DLGAP1: variants seen among roughly 807,000 people sequenced by gnomAD.
DLGAP1 encodes DLG associated protein 1.
Under a neutral mutation model 90.8 loss-of-function variants are expected in DLGAP1, and 11 were observed. That is an observed-to-expected ratio of 0.12 (90% CI 0.08 to 0.20). DLGAP1 has a LOEUF of 0.20. DLGAP1 is among the 10% of genes least tolerant of loss of function. The pLI is 1.00. For missense variants in DLGAP1, 1,050 were observed against 1,333.8 expected (o/e 0.79, Z 3.31); for synonymous variants, 558 against 540.7 (o/e 1.03, Z -0.44).
At chr18:3,854,935 T>A (rs2069545652) in intron 4 of DLGAP1, among the ~76,000 whole-genome samples, 1 of 152,168 alleles carries the variant, frequency 6.6e-6, no homozygotes, top group Non-Finnish European at 1.5e-5. Context: ...GAGGGATGCT[T>A]TTCTTGGGAT....
chr18:4,351,704 A>G (rs914346131), intron 1 of DLGAP1, among the ~76,000 whole-genome samples: 1 of 152,218 alleles, frequency 6.6e-6, no homozygotes, highest in South Asian at 2.1e-4. Context: ...TTATCAAAGT[A>G]TGAGTTTCAT....
intron 1 of DLGAP1, among the ~76,000 whole-genome samples, chr18:4,347,126 T>C (rs1266170394): frequency 1.3e-5 from 2 of 152,028 alleles, no homozygotes; most frequent in Non-Finnish European, 2.9e-5. Flanking sequence ...TTCCAGAGAA[T>C]CACGTGTACT....
At chr18:4,055,894 G>A (rs1337640963) in intron 2 of DLGAP1, among the ~76,000 whole-genome samples, 2 of 152,152 alleles carry the variant, frequency 1.3e-5, no homozygotes, top group African/African-American at 4.8e-5. Flanking sequence ...AAGGTGAGAT[G>A]TGCAGGTGGA....
intron 1 of DLGAP1, among the ~76,000 whole-genome samples, chr18:4,355,665 G>A (rs909881584): frequency 6.7e-6 from 1 of 149,436 alleles, no homozygotes; most frequent in African/African-American, 2.4e-5. Context: ...CCATTTCCTG[G>A]TTGTGATATT....
At chr18:4,266,797 GCTGT>G (rs1393861967) in intron 1 of DLGAP1, among the ~76,000 whole-genome samples, 2 of 152,160 alleles carry the variant, frequency 1.3e-5, no homozygotes, top group Non-Finnish European at 2.9e-5. Context: ...GGGCAAACAA[GCTGT>G]CTGTGATTTT....
At chr18:3,692,787 C>T (rs1241520207) in intron 7 of DLGAP1, among the ~76,000 whole-genome samples, 1 of 152,228 alleles carries the variant, frequency 6.6e-6, no homozygotes, top group African/African-American at 2.4e-5. Context: ...TCTCATTCCA[C>T]ATTAGGAAAT....
intron 8 of DLGAP1, among the ~76,000 whole-genome samples, chr18:3,571,815 T>A (rs2054809434): frequency 6.6e-6 from 1 of 152,178 alleles, no homozygotes; most frequent in South Asian, 2.1e-4. Context: ...CGTGAGCCAA[T>A]GTTCCCGGCC....
intron 7 of DLGAP1, among the ~76,000 whole-genome samples, chr18:3,612,299 G>A (rs1203211548): frequency 6.6e-6 from 1 of 152,230 alleles, no homozygotes; most frequent in Non-Finnish European, 1.5e-5. Context: ...TGTCTAAAAT[G>A]AGGATAAGAA....
At chr18:3,577,579 G>T (rs777875228) in intron 8 of DLGAP1, among the ~76,000 whole-genome samples, 1 of 152,306 alleles carries the variant, frequency 6.6e-6, no homozygotes, top group South Asian at 2.1e-4. Context: ...GAAGAAGCAC[G>T]ATCCTCAATG....
At chr18:3,942,498 TAGTA>T (rs2072789151) in intron 3 of DLGAP1, among the ~76,000 whole-genome samples, 1 of 152,230 alleles carries the variant, frequency 6.6e-6, no homozygotes, top group South Asian at 2.1e-4. Flanking sequence ...GTATTCAGAC[TAGTA>T]AGTAAGTTCT....
intron 2 of DLGAP1, among the ~76,000 whole-genome samples, chr18:4,071,685 A>C (rs1433337598): frequency 1.3e-5 from 2 of 152,224 alleles, no homozygotes; most frequent in African/African-American, 4.8e-5. Context: ...TACTGCAAGA[A>C]AAGTTTGTCT....
At chr18:4,441,263 C>T (rs1254115898) in intron 1 of DLGAP1, among the ~76,000 whole-genome samples, 1 of 152,088 alleles carries the variant, frequency 6.6e-6, no homozygotes, top group Non-Finnish European at 1.5e-5. Flanking sequence ...AGTGACAGAT[C>T]GTTTCTTGGA....
intron 10 of DLGAP1, among the ~76,000 whole-genome samples, chr18:3,509,123 T>C (rs1025289771): frequency 6.6e-5 from 10 of 151,982 alleles, no homozygotes; most frequent in Admixed American, 6.6e-4. Flanking sequence ...AAAGCAGTAC[T>C]AAACTAGAGG....
intron 2 of DLGAP1, among the ~76,000 whole-genome samples, chr18:4,123,817 C>A (rs1196044713): frequency 6.6e-6 from 1 of 152,144 alleles, no homozygotes; most frequent in Non-Finnish European, 1.5e-5. Context: ...TTTCTGGTAA[C>A]AATGTGTGGG....
At chr18:3,855,954 A>G (rs1320235924) in intron 4 of DLGAP1, among the ~76,000 whole-genome samples, 1 of 152,210 alleles carries the variant, frequency 6.6e-6, no homozygotes, top group African/African-American at 2.4e-5. Flanking sequence ...AAATTCAAAG[A>G]GAAGTGGATT....
At chr18:3,902,160 A>G (rs932011083) in intron 3 of DLGAP1, among the ~76,000 whole-genome samples, 2 of 152,158 alleles carry the variant, frequency 1.3e-5, no homozygotes, top group Non-Finnish European at 1.5e-5. Flanking sequence ...TTGATTGTGT[A>G]TTTTGAACAC....
At chr18:3,758,082 G>C (rs1461815741) in intron 5 of DLGAP1, among the ~76,000 whole-genome samples, 1 of 150,860 alleles carries the variant, frequency 6.6e-6, no homozygotes, top group African/African-American at 2.4e-5. Context: ...ACTCCAGCCT[G>C]GGTGACAGAG....
intron 1 of DLGAP1, among the ~76,000 whole-genome samples, chr18:4,298,407 T>G (rs1332224319): frequency 6.6e-6 from 1 of 152,126 alleles, no homozygotes; most frequent in African/African-American, 2.4e-5. Context: ...GGGGAATAGT[T>G]AAAGAAGCAT....
intron 1 of DLGAP1, among the ~76,000 whole-genome samples, chr18:4,268,685 A>G (rs1250136189): frequency 1.3e-5 from 2 of 152,206 alleles, no homozygotes; most frequent in Non-Finnish European, 2.9e-5. Flanking sequence ...TACATATTAA[A>G]TATAGAAACT....
Sources: gnomAD v4.1 joint callset for allele counts (sites outside exome capture counted in the v4.1 genomes callset) on GRCh38, gnomAD v4.1.1 for gene constraint, MANE v1.5 for transcripts, NCBI Gene and HGNC (gene_info 2026-07-23, HGNC 2026-07-21) for gene names.